Variants in B9D1 observed in about 807,000 individuals in gnomAD.
B9D1 encodes B9 domain-containing protein 1.
A neutral mutation model predicts 26.1 loss-of-function variants in B9D1; 20 were observed. The observed-to-expected ratio is 0.77, with a 90% CI of 0.54 to 1.12. The LOEUF is 1.12. Among genes scored for constraint, B9D1 ranks in the 50% most tolerant of loss-of-function variants. B9D1 has a pLI of 0.00. For missense variants in B9D1, 260 were observed against 273.7 expected, an observed-to-expected ratio of 0.95 and a Z score of 0.35; for synonymous variants, 105 against 103.1, an observed-to-expected ratio of 1.02 and a Z score of -0.11.
downstream of B9D1, among the ~76,000 whole-genome samples, chr17:19,338,991 T>A (rs1394046631): frequency 6.6e-6 from 1 of 152,228 alleles, no homozygotes; most frequent in Non-Finnish European, 1.5e-5. Context: ...CTGCCTTATT[T>A]CCTTGCTGCC....
rs1344442791 is a variant in B9D1 at position 19,359,223 on chromosome 17, T to C, written c.132+1097A>G. The stretch of plus-strand genomic sequence containing the variant: ...ACATAAGTCAGATCACTTTCTCTGC[T>C]GAAAGTTCTCCAGTGGGATCCCATC... On this transcript the variant is annotated intron_variant, in intron 2 of 6. Transcript: ENST00000261499. This position sits in a 1 kb window ranked among gnomAD's most constrained non-coding sequence, Gnocchi z 5.0. Among the ~76,000 whole-genome samples, 1 of 152,226 alleles carries C rather than the reference T, an allele frequency of 6.6e-6. No individual in the cohort carries two copies. The highest frequency in any genetic ancestry group is 1.5e-5 in the Non-Finnish European group (1 of 68,040).
intron 5 of B9D1, among the ~76,000 whole-genome samples, chr17:19,345,524 A>G (rs1427526799): frequency 6.6e-6 from 1 of 152,194 alleles, no homozygotes; most frequent in African/African-American, 2.4e-5. Context: ...GCGACTATCC[A>G]GGTGGACCCT....
downstream of B9D1, among the ~76,000 whole-genome samples, chr17:19,341,575 C>T (rs12937289): frequency 0.96 from 146,171 of 152,264 alleles, 70,569 homozygotes; most frequent in African/African-American, 0.99. Flanking sequence ...CAGAAGGGAG[C>T]GCCTTAGCTA....
Position 19,343,778 on chromosome 17 carries a change from A to AG in B9D1, c.472+11dup. 6.2e-7 allele frequency: 1 copy of AG among 1,612,914 alleles called. No homozygotes were observed. The highest frequency in any genetic ancestry group is 2.2e-5 in the East Asian group (1 of 44,884). On this transcript the variant is annotated intron_variant, in intron 6 of 6. Coordinates refer to ENST00000261499, the MANE Select transcript of B9D1 (RefSeq NM_015681.6). The stretch of plus-strand genomic sequence containing the variant: ...ATGGGGGATGGGGGTAAGAGAGGGG[A>AG]GGGAGCTTTACCTTCCCGGCCTTCA...
At chr17:19,364,783 A>G (rs1911496724), upstream of B9D1, among the ~76,000 whole-genome samples, 1 of 152,200 alleles carries the variant, frequency 6.6e-6, no homozygotes, top group African/African-American at 2.4e-5. The surrounding 1 kb of genome is among the most constrained non-coding windows in gnomAD (Gnocchi z 4.3). Flanking sequence ...CACTCTTAGT[A>G]CAGCTCTGTC....
intron 5 of B9D1, chr17:19,346,834 C>T (rs898942775): frequency 1.1e-5 from 13 of 1,161,090 alleles, no homozygotes; most frequent in South Asian, 8.3e-5. Context: ...TGTTCTTCCC[C>T]GGCTCTTCCC....
chr17:19,371,578 T>C (rs1014057688), intron 1 of B9D1: 1 of 152,212 alleles, frequency 6.6e-6, no homozygotes, highest in African/African-American at 2.4e-5. Flanking sequence ...GGTTCATGGG[T>C]GTTCTTGGTC....
chr17:19,356,071 A>T (rs1910304193), intron 3 of B9D1, among the ~76,000 whole-genome samples: 1 of 152,074 alleles, frequency 6.6e-6, no homozygotes, highest in South Asian at 2.1e-4. Context: ...TGTCTATGAG[A>T]TGTTATCTTT....
chr17:19,368,714 G>A (rs1001811773), intron 1 of B9D1, among the ~76,000 whole-genome samples: 3 of 152,140 alleles, frequency 2.0e-5, no homozygotes, highest in Admixed American at 2.0e-4. Flanking sequence ...GGAGGCTGGG[G>A]CAGGAGGATC....
chr17:19,341,426 A>T, downstream of B9D1: 1 of 818,954 alleles, frequency 1.2e-6, no homozygotes, highest in Non-Finnish European at 1.6e-6. Flanking sequence ...GGCTGGCGTG[A>T]AGGAGCCCGT....
At chr17:19,345,872 G>A (rs1439275822) in intron 5 of B9D1, among the ~76,000 whole-genome samples, 1 of 152,224 alleles carries the variant, frequency 6.6e-6, no homozygotes, top group Non-Finnish European at 1.5e-5. Context: ...CCTGAGCAAG[G>A]AGCCTCCATA....
downstream of B9D1, chr17:19,341,403 G>T: frequency 1.9e-6 from 2 of 1,058,742 alleles, no homozygotes; most frequent in Non-Finnish European, 2.4e-6. Flanking sequence ...ATGACACGTG[G>T]GGCACATGTG....
downstream of B9D1, among the ~76,000 whole-genome samples, chr17:19,341,772 G>C (rs1348659859): frequency 6.6e-6 from 1 of 152,250 alleles, no homozygotes; most frequent in Non-Finnish European, 1.5e-5. Flanking sequence ...CCAGGGTGGA[G>C]ACCTTGCCAG....
intron 1 of B9D1, among the ~76,000 whole-genome samples, chr17:19,375,233 T>C (rs1244477280): frequency 6.6e-6 from 1 of 150,928 alleles, no homozygotes; most frequent in East Asian, 1.9e-4. Flanking sequence ...GAGGCTGCAG[T>C]GAGCTGAGAT....
intron 1 of B9D1, among the ~76,000 whole-genome samples, chr17:19,362,283 C>CGGTAT (rs1911195843): frequency 6.6e-6 from 1 of 152,092 alleles, no homozygotes; most frequent in Admixed American, 6.5e-5. Flanking sequence ...GACCTCGGTA[C>CGGTAT]TAGCTCAACA....
At chr17:19,343,711 C>T (rs1908289429) in intron 6 of B9D1, 79 bp downstream of exon 6, 1 of 1,613,478 alleles carries the variant, frequency 6.2e-7, no homozygotes, top group African/African-American at 1.3e-5. Flanking sequence ...CCCCGGCATT[C>T]ACCCCAACCC....
chr17:19,362,558 C>A lies in B9D1; in HGVS notation c.12G>T (p.Ala4=), dbSNP rs756405528. The A allele has an allele frequency of 1.3e-6, 2 of 1,589,648 alleles. No homozygotes were observed. Among genetic ancestry groups the A allele is most frequent in the Admixed American group, 1.7e-5 (1 of 57,298 alleles). The change falls in exon 1 of 7, where the codon GCG becomes GCT. Residue 4 remains alanine (A), a synonymous_variant. Transcript: ENST00000261499. Reference sequence around the variant, plus strand: ...CCATGAGTAGAAAGACGCTAGGACTCGCGGTCGCCATGGCAGGTCTGGGGG... The same window carrying A: ...CCATGAGTAGAAAGACGCTAGGACTAGCGGTCGCCATGGCAGGTCTGGGGG... The part of the protein sequence containing the change: MAT[A]SPSVFLLMVN...
upstream of B9D1, chr17:19,362,765 C>A: frequency 1.9e-4 from 224 of 1,177,846 alleles, no homozygotes; most frequent in Non-Finnish European, 2.2e-4. Flanking sequence ...GGGCGGGGCA[C>A]AAGGGGCGGG....
At chr17:19,366,332 C>T (rs1217704174), upstream of B9D1, among the ~76,000 whole-genome samples, 1 of 152,096 alleles carries the variant, frequency 6.6e-6, no homozygotes, top group Non-Finnish European at 1.5e-5. Flanking sequence ...CCAGATCCTC[C>T]TCCCAGGAGC....
Sources: gnomAD v4.1 joint callset for allele counts (sites outside exome capture counted in the v4.1 genomes callset) on GRCh38, gnomAD v4.1.1 for gene constraint, Gnocchi (gnomAD v3.1) non-coding constraint, MANE v1.5 for transcripts, NCBI Gene and HGNC (gene_info 2026-07-23, HGNC 2026-07-21) for gene names.